Variants in ACOT1 observed in about 807,000 individuals in gnomAD.
ACOT1 encodes acyl-coenzyme A thioesterase 1.
Under a neutral mutation model 15.7 loss-of-function variants are expected in ACOT1, and 8 were observed. The observed-to-expected ratio is 0.51, with a 90% CI of 0.30 to 0.92. The LOEUF is 0.92. ACOT1 is among the 40% of genes least tolerant of loss of function. The pLI, the probability that ACOT1 is intolerant of heterozygous loss-of-function variation, is 0.06. For synonymous variants in ACOT1, 67 were observed against 241.2 expected (o/e 0.28, Z 6.69); for missense variants, 151 against 539.4 (o/e 0.28, Z 7.13).
the ACOT1 span, among the ~76,000 whole-genome samples, chr14:73,496,012 C>G: frequency 1.3e-5 from 2 of 152,026 alleles, no homozygotes; most frequent in Non-Finnish European, 2.9e-5. Flanking sequence ...TGCCTATAAT[C>G]CCAGCTATTT....
chr14:73,504,739 T>C, the ACOT1 span, among the ~76,000 whole-genome samples: 910 of 152,298 alleles, frequency 6.0e-3, 9 homozygotes, highest in Non-Finnish European at 9.6e-3. Context: ...TGTTCACTTA[T>C]CATGGGAATG....
intron 2 of ACOT1, 131 bp downstream of exon 2, chr14:73,541,826 C>T: frequency 1.6e-6 from 1 of 625,660 alleles, no homozygotes; most frequent in Non-Finnish European, 2.5e-6. Context: ...TTTTTAGTCA[C>T]TTCTTATAGA....
the ACOT1 span, chr14:73,499,215 G>T: frequency 5.5e-5 from 70 of 1,283,426 alleles, no homozygotes; most frequent in African/African-American, 9.6e-4. Context: ...GTGCGGTGGT[G>T]CACCCCTGTA....
chr14:73,492,040 C>T, the ACOT1 span: 1 of 1,614,006 alleles, frequency 6.2e-7, no homozygotes, highest in Non-Finnish European at 8.5e-7. The surrounding 1 kb of genome is among the most constrained non-coding windows in gnomAD (Gnocchi z 4.9). Flanking sequence ...CCCCCCACTA[C>T]GACGACATCG....
chr14:73,514,217 C>CAA, the ACOT1 span: 1 of 1,614,130 alleles, frequency 6.2e-7, no homozygotes, highest in Non-Finnish European at 8.5e-7. Context: ...CGCAGGGCTC[C>CAA]TTGCACAGGT....
chr14:73,494,028 G>A, the ACOT1 span, among the ~76,000 whole-genome samples: 1 of 152,220 alleles, frequency 6.6e-6, no homozygotes, highest in African/African-American at 2.4e-5. Context: ...TGGCACTGCT[G>A]TCATAAGGGC....
chr14:73,522,654 G>A, the ACOT1 span: 7 of 1,614,136 alleles, frequency 4.3e-6, no homozygotes, highest in Non-Finnish European at 5.9e-6. Context: ...ATGCAGGGAT[G>A]ATGGATGAGA....
At chr14:73,516,530 A>T in the ACOT1 span, among the ~76,000 whole-genome samples, 1 of 150,376 alleles carries the variant, frequency 6.6e-6, no homozygotes, top group Non-Finnish European at 1.5e-5. Context: ...GGAATAAAAA[A>T]TACAACTGCC....
At chr14:73,535,856 C>T (rs1888851399), upstream of ACOT1, among the ~76,000 whole-genome samples, 3 of 115,950 alleles carry the variant, frequency 2.6e-5, 1 homozygote, top group African/African-American at 8.4e-5. Flanking sequence ...CCACCTCAGC[C>T]TCCAAGTAAA....
At chr14:73,515,466 G>A in the ACOT1 span, among the ~76,000 whole-genome samples, 1 of 151,820 alleles carries the variant, frequency 6.6e-6, no homozygotes, top group East Asian at 1.9e-4. Context: ...GATCACTTGA[G>A]GTCACAAGTT....
At chr14:73,524,310 A>ATATATATATATATATAT in the ACOT1 span, among the ~76,000 whole-genome samples, 8 of 54,782 alleles carry the variant, frequency 1.5e-4, no homozygotes, top group Non-Finnish European at 2.5e-4. Flanking sequence ...AAAAAAAAAA[A>ATATATATATATATATAT]ATATATATAT....
At chr14:73,536,999 T>C (rs1322525170), upstream of ACOT1, 2 of 124,654 alleles carry the variant, frequency 1.6e-5, 1 homozygote, top group East Asian at 1.4e-3. Context: ...TTTTTTTTTT[T>C]CTGAGACGGA....
At chr14:73,511,860 A>T in the ACOT1 span, 1 of 810,124 alleles carries the variant, frequency 1.2e-6, no homozygotes, top group Non-Finnish European at 1.9e-6. Context: ...TATTGCTGAT[A>T]AGCATGTATA....
chr14:73,507,719 A>C, the ACOT1 span, among the ~76,000 whole-genome samples: 2 of 151,934 alleles, frequency 1.3e-5, no homozygotes, highest in African/African-American at 2.4e-5. Context: ...TACAGGCGTG[A>C]GCGACCATGC....
the ACOT1 span, chr14:73,506,362 T>G: frequency 5.4e-6 from 4 of 735,940 alleles, no homozygotes; most frequent in Non-Finnish European, 9.5e-6. Flanking sequence ...GGAACAGAGA[T>G]CTGTTTGGTA....
chr14:73,491,318 G>A, the ACOT1 span: 40 of 1,510,972 alleles, frequency 2.6e-5, no homozygotes, highest in Non-Finnish European at 3.4e-5. Flanking sequence ...CGGCCACCTG[G>A]GGCCCGCAGA....
chr14:73,501,577 T>TC, the ACOT1 span, among the ~76,000 whole-genome samples: 1 of 146,380 alleles, frequency 6.8e-6, no homozygotes, highest in East Asian at 2.0e-4. Flanking sequence ...CTCTTTTTTT[T>TC]TTTTTTTTTT....
chr14:73,493,000 T>A, the ACOT1 span: 5 of 656,740 alleles, frequency 7.6e-6, no homozygotes, highest in African/African-American at 2.4e-4. This position sits in a 1 kb window ranked among gnomAD's most constrained non-coding sequence, Gnocchi z 4.9. Flanking sequence ...CACTGCTACC[T>A]TTTTTTTTTT....
the ACOT1 span, chr14:73,495,113 C>T: frequency 3.7e-6 from 3 of 810,600 alleles, no homozygotes; most frequent in African/African-American, 5.2e-5. Context: ...GAAGAGAGTA[C>T]CCTTTCCTGA....
Sources: gnomAD v4.1 joint callset for allele counts (sites outside exome capture counted in the v4.1 genomes callset) on GRCh38, gnomAD v4.1.1 for gene constraint, Gnocchi (gnomAD v3.1) non-coding constraint, MANE v1.5 for transcripts, NCBI Gene and HGNC (gene_info 2026-07-23, HGNC 2026-07-21) for gene names.